Variants in IQCM observed in about 807,000 individuals in gnomAD.
The protein encoded by IQCM is IQ domain-containing protein M.
A neutral mutation model predicts 57.6 loss-of-function variants in IQCM; 45 were observed. The ratio of observed to expected loss-of-function variants is 0.78; its 90% confidence interval spans 0.62 to 1.00. The LOEUF is 1.00. IQCM is among the 50% of genes least tolerant of loss of function. The pLI, the probability that IQCM is intolerant of heterozygous loss-of-function variation, is 0.00. For synonymous variants in IQCM, 148 were observed against 158.9 expected (o/e 0.93, Z 0.51); for missense variants, 468 against 511.6 (o/e 0.91, Z 0.82).
At chr4:149,618,528 T>G (rs1414504610) in intron 8 of IQCM, among the ~76,000 whole-genome samples, 1 of 152,022 alleles carries the variant, frequency 6.6e-6, no homozygotes, top group East Asian at 1.9e-4. Context: ...GAAAAGCTCC[T>G]GTACAAGATA....
chr4:149,425,076 C>G (rs1449558355), intron 13 of IQCM, among the ~76,000 whole-genome samples: 2 of 151,864 alleles, frequency 1.3e-5, no homozygotes, highest in Non-Finnish European at 2.9e-5. Flanking sequence ...TAATATCTCT[C>G]TCTGTAAAAT....
At chr4:149,784,420 T>G (rs1771889007) in intron 2 of IQCM, among the ~76,000 whole-genome samples, 1 of 152,140 alleles carries the variant, frequency 6.6e-6, no homozygotes, top group African/African-American at 2.4e-5. Context: ...GCAGACACCT[T>G]CTCTGAAAAA....
At chr4:149,473,089 A>G (rs1560884957) in intron 12 of IQCM, among the ~76,000 whole-genome samples, 1 of 152,208 alleles carries the variant, frequency 6.6e-6, no homozygotes, top group Non-Finnish European at 1.5e-5. Context: ...TAAAACACCA[A>G]CAGCAATGGC....
chr4:149,377,390 TG>T (rs1360359882), intron 13 of IQCM, among the ~76,000 whole-genome samples: 2 of 152,188 alleles, frequency 1.3e-5, no homozygotes, highest in African/African-American at 2.4e-5. Flanking sequence ...CAGTCTCATC[TG>T]GAATGATGCT....
intron 12 of IQCM, among the ~76,000 whole-genome samples, chr4:149,450,923 T>A (rs1737050526): frequency 6.6e-6 from 1 of 151,854 alleles, no homozygotes; most frequent in African/African-American, 2.4e-5. Flanking sequence ...TTCATGTTTG[T>A]TGCAGCACTG....
chr4:149,689,102 A>G (rs981429761), intron 5 of IQCM, among the ~76,000 whole-genome samples: 1 of 151,966 alleles, frequency 6.6e-6, no homozygotes, highest in Non-Finnish European at 1.5e-5. Flanking sequence ...ATAAGGACAC[A>G]TGCACACCTA....
At chr4:149,530,904 T>C (rs2149851462) in intron 12 of IQCM, among the ~76,000 whole-genome samples, 1 of 148,080 alleles carries the variant, frequency 6.8e-6, no homozygotes, top group African/African-American at 2.5e-5. Flanking sequence ...CACAGATTCC[T>C]AAAAATGTAT....
chr4:149,619,265 C>T lies in IQCM; in HGVS notation c.681+1864G>A, dbSNP rs149638796. On this transcript the variant is annotated intron_variant, in intron 8 of 13. Transcript: ENST00000636793. ...AAGTCAAAAACCACATGTTCTCATT[C>T]GTAAGTGGGAGCTAAACTATGGGTA... Among the ~76,000 whole-genome samples the T allele has an allele frequency of 3.3e-3, 501 of 151,994 alleles. 4 individuals carry two copies. Among genetic ancestry groups the T allele is most frequent in the African/African-American group, 0.011 (474 of 41,462 alleles).
chr4:149,564,187 G>A (rs529265193), intron 9 of IQCM, among the ~76,000 whole-genome samples: 3 of 152,196 alleles, frequency 2.0e-5, no homozygotes, highest in South Asian at 2.1e-4. Context: ...CATATGACAC[G>A]GCAGTTTAGT....
At chr4:149,768,591 G>A (rs1770273100) in intron 2 of IQCM, among the ~76,000 whole-genome samples, 1 of 151,984 alleles carries the variant, frequency 6.6e-6, no homozygotes, top group African/African-American at 2.4e-5. Context: ...TTAGGAACTT[G>A]AACTTTTGCT....
chr4:149,568,962 G>A (rs1188348970), intron 9 of IQCM, among the ~76,000 whole-genome samples: 4 of 152,078 alleles, frequency 2.6e-5, no homozygotes, highest in African/African-American at 7.2e-5. Context: ...CTTGTGAATC[G>A]GTCTAGCCAA....
intron 5 of IQCM, among the ~76,000 whole-genome samples, chr4:149,709,972 A>G (rs1004295499): frequency 1.3e-5 from 2 of 152,158 alleles, no homozygotes; most frequent in African/African-American, 4.8e-5. Flanking sequence ...AAGGGAGTGC[A>G]ACCTCTTATA....
intron 13 of IQCM, among the ~76,000 whole-genome samples, chr4:149,360,529 C>T (rs944008908): frequency 2.6e-5 from 4 of 152,048 alleles, no homozygotes; most frequent in African/African-American, 7.2e-5. Context: ...AATTGTAGTT[C>T]CCAGAATTCC....
intron 12 of IQCM, among the ~76,000 whole-genome samples, chr4:149,476,449 G>A (rs1740201544): frequency 6.6e-6 from 1 of 152,110 alleles, no homozygotes; most frequent in Admixed American, 6.6e-5. Flanking sequence ...AAGGCAGAAA[G>A]CGATCAAACC....
intron 2 of IQCM, among the ~76,000 whole-genome samples, chr4:149,805,013 C>T (rs1393745558): frequency 6.6e-6 from 1 of 151,992 alleles, no homozygotes; most frequent in Non-Finnish European, 1.5e-5. Context: ...CACATTGCTG[C>T]CCTGTTGGCC....
chr4:149,748,627 T>C (rs888999319), intron 2 of IQCM: 5 of 152,190 alleles, frequency 3.3e-5, no homozygotes, highest in Non-Finnish European at 7.3e-5. Flanking sequence ...GATACTGTTA[T>C]GTATAAAATA....
chr4:149,698,803 A>C (rs1763534037), intron 5 of IQCM, among the ~76,000 whole-genome samples: 2 of 152,102 alleles, frequency 1.3e-5, no homozygotes, highest in South Asian at 4.1e-4. Flanking sequence ...GACAGACTTA[A>C]GTAAGTATAA....
intron 13 of IQCM, among the ~76,000 whole-genome samples, chr4:149,376,890 G>C (rs1008119751): frequency 1.3e-5 from 2 of 152,012 alleles, no homozygotes; most frequent in Admixed American, 6.6e-5. Context: ...TAGGCTTTCA[G>C]ATTGTATTTG....
chr4:149,631,997 T>C (rs1757306528), intron 7 of IQCM, among the ~76,000 whole-genome samples: 1 of 152,204 alleles, frequency 6.6e-6, no homozygotes, highest in Admixed American at 6.5e-5. Flanking sequence ...AGAAATAATC[T>C]GATAAAATCA....
Sources: gnomAD v4.1 joint callset for allele counts (sites outside exome capture counted in the v4.1 genomes callset) on GRCh38, gnomAD v4.1.1 for gene constraint, MANE v1.5 for transcripts, NCBI Gene and HGNC (gene_info 2026-07-23, HGNC 2026-07-21) for gene names.